The following TMCC2 variants were observed in gnomAD, a reference collection of about 807,000 sequenced individuals.
TMCC2 encodes the protein transmembrane and coiled-coil domains protein 2.
TMCC2 carries 16 observed loss-of-function variants against 49.4 expected under a neutral mutation model. The observed-to-expected ratio is 0.32, with a 90% CI of 0.22 to 0.49. The LOEUF (loss-of-function observed/expected upper bound fraction) is 0.49. TMCC2 is among the 20% of genes least tolerant of loss of function. The pLI, the probability that TMCC2 is intolerant of heterozygous loss-of-function variation, is 0.99. For synonymous variants in TMCC2, 397 were observed against 434.1 expected (o/e 0.91, Z 1.06); for missense variants, 762 against 989.8 (o/e 0.77, Z 3.09).
intron 2 of TMCC2, among the ~76,000 whole-genome samples, chr1:205,266,905 A>T (rs1459629462): frequency 6.6e-6 from 1 of 152,228 alleles, no homozygotes; most frequent in African/African-American, 2.4e-5. Context: ...AAATGGAGAG[A>T]TGGGCTTTTT....
At chr1:205,229,562 T>TGGGGGGGGGG (rs1659707258) in intron 1 of TMCC2, 2 of 453,360 alleles carry the variant, frequency 4.4e-6, no homozygotes, top group Non-Finnish European at 2.4e-6. Context: ...GGGGGGGTGG[T>TGGGGGGGGGG]GGCGGGGGCG....
intron 2 of TMCC2, among the ~76,000 whole-genome samples, chr1:205,265,807 C>A (rs1256768862): frequency 1.3e-5 from 2 of 151,456 alleles, no homozygotes; most frequent in Non-Finnish European, 2.9e-5. Flanking sequence ...GATCCACCCG[C>A]CTCAGCCTCC....
chr1:205,257,022 C>T (rs751569820), intron 2 of TMCC2, among the ~76,000 whole-genome samples: 9 of 150,224 alleles, frequency 6.0e-5, no homozygotes, highest in South Asian at 2.1e-4. Context: ...TCCTTATGCA[C>T]ACAACTCACA....
chr1:205,262,441 G>A (rs1024002360), intron 2 of TMCC2, among the ~76,000 whole-genome samples: 4 of 152,126 alleles, frequency 2.6e-5, no homozygotes, highest in South Asian at 4.1e-4. Flanking sequence ...AGCCAGCTCC[G>A]ACTCTGCTTC....
Position 205,256,985 on chromosome 1 carries a change from C to A in TMCC2, c.748-11965C>A, listed in dbSNP as rs1314214058. On this transcript the variant is annotated intron_variant, in intron 2 of 4. Transcript: ENST00000358024. Reference sequence around the variant, plus strand: ...CCTTTGCCCCCCACCCCCACCCCTCCTCATTGATGCCTGTCACACCTGGGT... The same window carrying A: ...CCTTTGCCCCCCACCCCCACCCCTCATCATTGATGCCTGTCACACCTGGGT... Among the ~76,000 whole-genome samples, 3 of 151,456 alleles carry A rather than the reference C, an allele frequency of 2.0e-5. No homozygotes were observed. In the South Asian group the frequency reaches 6.3e-4, roughly 32 times the overall value.
intron 2 of TMCC2, among the ~76,000 whole-genome samples, chr1:205,243,507 C>T (rs563962769): frequency 2.0e-5 from 3 of 152,214 alleles, no homozygotes; most frequent in South Asian, 2.1e-4. Context: ...GGAAAGAAGG[C>T]GCCAAGTGCA....
intron 2 of TMCC2, among the ~76,000 whole-genome samples, chr1:205,266,525 A>G (rs1027944585): frequency 1.3e-5 from 2 of 151,274 alleles, no homozygotes; most frequent in Non-Finnish European, 2.9e-5. Flanking sequence ...CCCAGGAGGC[A>G]TAGGTTGCAG....
At position 205,241,472 on chromosome 1, in the gene TMCC2, A is replaced by G. The variant is rs1286713039; in HGVS notation, c.208-33A>G. ...CTGACTAGGCAATCAAGAGCTTTCC[A>G]CTCACCAGGGTTCTTCATCTCTCCC... On this transcript the variant is annotated intron_variant, in intron 1 of 4. Coordinates refer to ENST00000358024, the MANE Select transcript of TMCC2 (RefSeq NM_014858.4). This position sits in a 1 kb window ranked among gnomAD's most constrained non-coding sequence, Gnocchi z 7.3. The G allele has an allele frequency of 6.2e-7, 1 of 1,604,052 alleles. No individual in the cohort carries two copies. The highest frequency in any genetic ancestry group is 2.2e-5 in the East Asian group (1 of 44,796).
rs759709839 is a variant in TMCC2, at chr1:205,271,179, C to T, written c.1742C>T (p.Thr581Met). The change falls in exon 4 of 5, where the codon ACG (threonine) becomes ATG (methionine). Residue 581 changes from threonine to methionine, a missense_variant. Around this residue, in one of 2 missense-constraint regions of TMCC2, gnomAD observed 440 missense variants for 636.7 expected, o/e 0.69. Coordinates refer to ENST00000358024, the MANE Select transcript of TMCC2 (RefSeq NM_014858.4). ...DLTELHQNEM[T>M]NLKQELASME... ...ACTGAGCTTCATCAGAACGAGATGA[C>T]GAACCTGAAGCAGGAGCTGGCCAGC... 1.4e-5 allele frequency: 23 copies of T among 1,614,040 alleles called. 1 individual carries two copies. The highest frequency in any genetic ancestry group is 3.4e-4 in the Middle Eastern group (2 of 5,952).
intron 2 of TMCC2, chr1:205,267,932 TC>T (rs756372607): frequency 1.8e-4 from 182 of 984,726 alleles, no homozygotes; most frequent in Non-Finnish European, 2.1e-4. Context: ...GCTTTAGTCC[TC>T]GGGGACCTGG....
rs2102544684 is a variant in TMCC2, at chr1:205,241,851, G to A, written c.554G>A (p.Ser185Asn). Residue 185 changes from serine (S) to asparagine (N), a missense_variant, in exon 2 of 5, where the codon AGT becomes AAT. By Grantham distance (46) the Ser-to-Asn change is conservative. Around this residue, in one of 2 missense-constraint regions of TMCC2, gnomAD observed 322 missense variants for 353.1 expected, o/e 0.91. Transcript: ENST00000358024. The surrounding 1 kb of genome is among the most constrained non-coding windows in gnomAD (Gnocchi z 7.3). ...GGGAGCAGCAGCCGGCGCACCAAGA[G>A]TAGCTCCCTGGAGCCCCAGCGTGGC... ...SSGSSSRRTK[S>N]SSLEPQRGSP... is the part of the protein sequence containing the mutation. The A allele has an allele frequency of 6.2e-7, 1 of 1,601,070 alleles. No individual in the cohort carries two copies. The highest frequency in any genetic ancestry group is 8.5e-7 in the Non-Finnish European group (1 of 1,175,472).
chr1:205,239,767 G>T (rs945761869), intron 1 of TMCC2, among the ~76,000 whole-genome samples: 3 of 152,164 alleles, frequency 2.0e-5, no homozygotes, highest in Non-Finnish European at 2.9e-5. Flanking sequence ...CTCAAATGAG[G>T]TGAAAAATGA....
At chr1:205,234,405 C>T (rs996760457) in intron 1 of TMCC2, among the ~76,000 whole-genome samples, 14 of 152,188 alleles carry the variant, frequency 9.2e-5, no homozygotes, top group African/African-American at 3.4e-4. Context: ...GAGATCGTGC[C>T]ACTGCACTCC....
rs1661620138 is a variant in TMCC2 at position 205,272,005 on chromosome 1, C to T, written c.2011C>T (p.Leu671Phe). The T allele has an allele frequency of 1.2e-6, 2 of 1,614,208 alleles. No individual in the cohort carries two copies. Among genetic ancestry groups the T allele is most frequent in the Non-Finnish European group, 1.7e-6 (2 of 1,180,040 alleles). The change falls in exon 5 of 5, where the codon CTC becomes TTC. Residue 671 changes from leucine to phenylalanine, a missense_variant. Around this residue, in one of 2 missense-constraint regions of TMCC2, gnomAD observed 440 missense variants for 636.7 expected, o/e 0.69. Coordinates refer to ENST00000358024, the MANE Select transcript of TMCC2 (RefSeq NM_014858.4). Reference protein sequence around the residue: ...VSTIANFITPLMKTRLRITST... With the variant: ...VSTIANFITPFMKTRLRITST... ...CACCATCGCCAACTTCATCACGCCCCTCATGAAGACACGCCTGCGCATCAC... is the reference window on the plus strand; with the variant it reads ...CACCATCGCCAACTTCATCACGCCCTTCATGAAGACACGCCTGCGCATCAC...
rs536823756 is a variant in TMCC2 at position 205,230,822 on chromosome 1, T to TTTTC, written c.207+2067_207+2070dup. On this transcript the variant is annotated intron_variant, in intron 1 of 4. Coordinates refer to ENST00000358024, the MANE Select transcript of TMCC2 (RefSeq NM_014858.4). ...TTTCCACTCTCCTGTATTATCTTTTTTTTCTTTCTTTCTTTCTTTTTTTTT... is the reference window on the plus strand; with the variant it reads ...TTTCCACTCTCCTGTATTATCTTTTTTTTCTTTCTTTCTTTCTTTCTTTTTTTTT... Among the ~76,000 whole-genome samples the TTTTC allele has an allele frequency of 4.3e-4, 63 of 146,322 alleles. 1 individual carries two copies. In the South Asian group the frequency reaches 0.01, roughly 24 times the overall value.
chr1:205,245,612 C>T (rs1460739053), intron 2 of TMCC2, among the ~76,000 whole-genome samples: 1 of 152,178 alleles, frequency 6.6e-6, no homozygotes, highest in East Asian at 1.9e-4. Context: ...TGCATGTTTA[C>T]ATTTGAAAAT....
chr1:205,229,797 C>A, intron 1 of TMCC2: 1 of 985,374 alleles, frequency 1.0e-6, no homozygotes, highest in Non-Finnish European at 1.2e-6. Flanking sequence ...TATTTTCCGG[C>A]CTGAGGTTGC....
chr1:205,262,352 G>C (rs1661152148), intron 2 of TMCC2, among the ~76,000 whole-genome samples: 1 of 152,180 alleles, frequency 6.6e-6, no homozygotes, highest in African/African-American at 2.4e-5. Flanking sequence ...GGGCTAGCAA[G>C]AGGACCAGGA....
At chr1:205,249,704 C>T (rs549924392) in intron 2 of TMCC2, among the ~76,000 whole-genome samples, 16 of 152,228 alleles carry the variant, frequency 1.1e-4, no homozygotes, top group Non-Finnish European at 2.2e-4. Context: ...AGGGCAACTG[C>T]CTCCTCTGTT....
Sources: gnomAD v4.1 joint callset for allele counts (sites outside exome capture counted in the v4.1 genomes callset) on GRCh38, gnomAD v4.1.1 for gene constraint, gnomAD v4.1.1 regional missense constraint, Gnocchi (gnomAD v3.1) non-coding constraint, MANE v1.5 for transcripts, NCBI Gene and HGNC (gene_info 2026-07-23, HGNC 2026-07-21) for gene names.